Variants in THAP9 observed in about 807,000 individuals in gnomAD.
THAP9 encodes DNA transposase THAP9.
In THAP9, 20 loss-of-function variants were observed where a neutral mutation model predicts 35.7. That is an observed-to-expected ratio of 0.56 (90% CI 0.39 to 0.81). The LOEUF (loss-of-function observed/expected upper bound fraction) is 0.81. Among genes scored for constraint, THAP9 ranks in the 40% least tolerant of loss-of-function variants. THAP9 has a pLI of 0.00. For synonymous variants in THAP9, 335 were observed against 373.7 expected (o/e 0.90, Z 1.19); for missense variants, 870 against 1,047.4 (o/e 0.83, Z 2.34).
rs781253094 is a variant in THAP9, at chr4:82,907,942, G to T, written c.731+7G>T. On this transcript the variant is annotated splice_region_variant and intron_variant, in intron 4 of 4. Transcript: ENST00000302236. ...ATTCTTCCATCCTCAGAACGTAAGT[G>T]AATTATTTTTTTATTTTTTAAAAGT... 1.2e-6 allele frequency: 2 copies of T among 1,604,108 alleles called. No homozygotes were observed. Among genetic ancestry groups the T allele is most frequent in the East Asian group, 4.5e-5 (2 of 44,666 alleles).
rs761036022 is a variant in THAP9, at chr4:82,904,940, A to G, written c.276+9A>G. 1.4e-5 allele frequency: 23 copies of G among 1,612,434 alleles called. No individual in the cohort carries two copies. The highest frequency in any genetic ancestry group is 1.8e-5 in the Non-Finnish European group (21 of 1,179,226). On this transcript the variant is annotated intron_variant, in intron 2 of 4. Transcript: ENST00000302236. ...CTGTTTCTCTATACAAGGTATTTAA[A>G]TGTAGGTGTAAGTCAACAAAATGAA...
chr4:82,901,218 T>C (rs1720346814), intron 1 of THAP9: 1 of 544,082 alleles, frequency 1.8e-6, no homozygotes, highest in East Asian at 4.4e-5. Context: ...ACGGTTGAAG[T>C]GTGTGTGTGG....
chr4:82,904,213 G>A lies in THAP9; in HGVS notation c.81-523G>A, dbSNP rs1281745919. On this transcript the variant is annotated intron_variant, in intron 1 of 4. Coordinates refer to ENST00000302236, the MANE Select transcript of THAP9 (RefSeq NM_024672.6). ...CCAGTAGCTGGGATTACAGGCACCCGCCACCACGTCCGGCTAATTTTTTAT... is the reference window on the plus strand; with the variant it reads ...CCAGTAGCTGGGATTACAGGCACCCACCACCACGTCCGGCTAATTTTTTAT... Among the ~76,000 whole-genome samples, 12 of 151,958 alleles carry A rather than the reference G, an allele frequency of 7.9e-5. No homozygotes were observed. In the East Asian group the frequency reaches 9.7e-4, roughly 12 times the overall value.
Position 82,918,178 on chromosome 4 carries a change from G to GTTTTC in THAP9, c.1967_1968insTTTCT (p.Ser657PhefsTer2). 6.2e-7 allele frequency: 1 copy of GTTTTC among 1,614,176 alleles called. No individual in the cohort carries two copies. The highest frequency in any genetic ancestry group is 1.6e-4 in the Middle Eastern group (1 of 6,062). On this transcript the variant is annotated frameshift_variant, in exon 5 of 5. Coordinates refer to ENST00000302236, the MANE Select transcript of THAP9 (RefSeq NM_024672.6). LOFTEE classifies it low-confidence loss of function (END_TRUNC). ...TCAAGATGAAGTTTTTCTAAGCAAA[G>GTTTTC]TAAGCATCTTTGACATTTCAATTGC...
In THAP9 at chr4:82,906,555, T is replaced by A; in HGVS notation, c.508T>A (p.Leu170Ile). ...RMIKKRKGLR[L>I]IDALVEEKLL... The stretch of plus-strand genomic sequence containing the variant: ...GATCAAGAAGAGAAAGGGTTTACGA[T>A]TAATTGATGCACTTGTAGAAGAGAA... Residue 170 changes from leucine (L) to isoleucine (I), a missense_variant, in exon 3 of 5, where the codon TTA (leucine) becomes ATA (isoleucine). By Grantham distance (5) the Leu-to-Ile change is conservative (BLOSUM62 2). This residue lies in a region of THAP9 where 440 missense variants were observed against 501.2 expected (regional missense o/e 0.88). Coordinates refer to ENST00000302236, the MANE Select transcript of THAP9 (RefSeq NM_024672.6). 1 of 1,613,364 alleles carries A rather than the reference T, an allele frequency of 6.2e-7. No homozygotes were observed. Among genetic ancestry groups the A allele is most frequent in the Non-Finnish European group, 8.5e-7 (1 of 1,179,652 alleles).
In THAP9 at chr4:82,917,186, T is replaced by C. The variant is rs141560028; in HGVS notation, c.974T>C (p.Met325Thr). 168 of 1,614,026 alleles carry C rather than the reference T, an allele frequency of 1.0e-4. 1 individual carries two copies. The Middle Eastern group carries it at 4.1e-3, about 39-fold the overall frequency. ...CTTGCTTCAGAAACTGTTTTGTTAA[T>C]GGCAGTGGGTATTTTTGGCCATTGG... ...TPLASETVLL[M>T]AVGIFGHWRT... Residue 325 changes from methionine (M) to threonine (T), a missense_variant, in exon 5 of 5, where the codon ATG (methionine) becomes ACG (threonine). Met to Thr is a moderately conservative substitution (Grantham distance 81, BLOSUM62 -1). This residue lies in a region of THAP9 where 440 missense variants were observed against 501.2 expected (regional missense o/e 0.88). Coordinates refer to ENST00000302236, the MANE Select transcript of THAP9 (RefSeq NM_024672.6).
chr4:82,907,864 C>A lies in THAP9; in HGVS notation c.660C>A (p.Tyr220Ter). ...TGAAACAATTTGCATGTACACTCTA[C>A]TTGTGCAGTAGCAAAGTCTATGATT... Reference protein sequence around the residue: ...AEMKQFACTLYLCSSKVYDYV... With the variant: ...AEMKQFACTL Residue 220 changes from tyrosine to a stop codon, truncating the protein, a stop_gained, in exon 4 of 5, where the codon TAC becomes TAA. Coordinates refer to ENST00000302236, the MANE Select transcript of THAP9 (RefSeq NM_024672.6). LOFTEE classifies it high-confidence loss of function. 3.1e-6 allele frequency: 5 copies of A among 1,611,826 alleles called. No individual in the cohort carries two copies. The highest frequency in any genetic ancestry group is 4.2e-6 in the Non-Finnish European group (5 of 1,178,950).
At chr4:82,907,387 C>T (rs1189902729) in intron 3 of THAP9, among the ~76,000 whole-genome samples, 1 of 151,760 alleles carries the variant, frequency 6.6e-6, no homozygotes, top group Non-Finnish European at 1.5e-5. Flanking sequence ...GCAAGATGGT[C>T]TGTTCAGTCT....
chr4:82,901,203 G>A, intron 1 of THAP9: 1 of 575,778 alleles, frequency 1.7e-6, no homozygotes, highest in South Asian at 1.5e-5. Context: ...AGGCAGTTTA[G>A]GACAACGGTT....
chr4:82,918,204 T>C lies in THAP9; in HGVS notation c.1992T>C (p.Ala664=). The C allele has an allele frequency of 6.2e-7, 1 of 1,614,186 alleles. No individual in the cohort carries two copies. Among genetic ancestry groups the C allele is most frequent in the South Asian group, 1.1e-5 (1 of 91,084 alleles). The stretch of plus-strand genomic sequence containing the variant: ...TAAGCATCTTTGACATTTCAATTGC[T>C]CGAAGGAAAGACTTGGCGCTTTGGA... ...SKVSIFDISI[A]RRKDLALWTV... is the part of the protein sequence containing the mutation. Residue 664 remains alanine, a synonymous_variant, in exon 5 of 5, where the codon GCT becomes GCC. Coordinates refer to ENST00000302236, the MANE Select transcript of THAP9 (RefSeq NM_024672.6).
At chr4:82,901,582 GA>G (rs1720380082) in intron 1 of THAP9, among the ~76,000 whole-genome samples, 1 of 152,122 alleles carries the variant, frequency 6.6e-6, no homozygotes, top group South Asian at 2.1e-4. Context: ...AATGGCATGG[GA>G]AAATGTAAAG....
Position 82,906,368 on chromosome 4 carries a change from C to A in THAP9, c.321C>A (p.Ile107=). 6.2e-7 allele frequency: 1 copy of A among 1,608,362 alleles called. No homozygotes were observed. Among genetic ancestry groups the A allele is most frequent in the Non-Finnish European group, 8.5e-7 (1 of 1,176,996 alleles). ...TTAAAGGTAAAGCAAGACAAAAAAT[C>A]CTAAAACAACCTCTTCCAGACAATT... ...VHLKGKARQK[I]LKQPLPDNSQ... The change falls in exon 3 of 5, where the codon ATC becomes ATA. Residue 107 remains isoleucine (I), a synonymous_variant. Transcript: ENST00000302236.
chr4:82,918,195 T>C lies in THAP9; in HGVS notation c.1983T>C (p.Ile661=). The C allele has an allele frequency of 6.2e-7, 1 of 1,614,194 alleles. No homozygotes were observed. Among genetic ancestry groups the C allele is most frequent in the Non-Finnish European group, 8.5e-7 (1 of 1,180,010 alleles). The change falls in exon 5 of 5, where the codon ATT becomes ATC. Residue 661 remains isoleucine (I), a synonymous_variant. Transcript: ENST00000302236. ...TAAGCAAAGTAAGCATCTTTGACAT[T>C]TCAATTGCTCGAAGGAAAGACTTGG... The part of the protein sequence containing the change: ...VFLSKVSIFD[I]SIARRKDLAL...
chr4:82,906,931 C>G (rs1288691776), intron 3 of THAP9, among the ~76,000 whole-genome samples: 2 of 152,146 alleles, frequency 1.3e-5, no homozygotes, highest in East Asian at 3.8e-4. Context: ...GCACTTATCA[C>G]TTTTTGTAGT....
chr4:82,900,830 T>TA lies in THAP9; in HGVS notation c.28_29insA (p.Cys10Ter), dbSNP rs1720297658. The TA allele has an allele frequency of 2.5e-6, 4 of 1,613,518 alleles. No individual in the cohort carries two copies. Reference protein sequence around the residue: MTRSCSAVGCSTRDTVLSRE... With the variant: MTRSCSAVG ...GACCCGAAGTTGCTCCGCAGTGGGC[T>TA]GCAGCACCCGTGACACCGTGCTCAG... The change falls in exon 1 of 5, where the codon TGC (cysteine) becomes TAGC (stop). Residue 10 changes from cysteine to a stop codon, truncating the protein, a stop_gained and frameshift_variant. Coordinates refer to ENST00000302236, the MANE Select transcript of THAP9 (RefSeq NM_024672.6). LOFTEE classifies it high-confidence loss of function.
At chr4:82,915,231 A>T (rs1429454645) in intron 4 of THAP9, among the ~76,000 whole-genome samples, 1 of 134,174 alleles carries the variant, frequency 7.5e-6, no homozygotes, top group East Asian at 2.1e-4. Flanking sequence ...CCATCCTGTA[A>T]GTATGTTATT....
intron 2 of THAP9, 66 bp from the exon 3 acceptor site, chr4:82,906,258 A>G (rs1720641372): frequency 2.2e-6 from 3 of 1,338,736 alleles, no homozygotes; most frequent in East Asian, 2.5e-5. Flanking sequence ...TATTTAGGGT[A>G]TTTTTACAGA....
chr4:82,904,786 G>A lies in THAP9; in HGVS notation c.131G>A (p.Arg44His), dbSNP rs769334919. Reference sequence around the variant, plus strand: ...TCAAAATGGATCAGGGCTGTTAATCGTGTGGACCCCAGAAGCAAAAAGATT... The same window carrying A: ...TCAAAATGGATCAGGGCTGTTAATCATGTGGACCCCAGAAGCAAAAAGATT... ...QRSKWIRAVNRVDPRSKKIWI... is the reference protein window; with the variant it reads ...QRSKWIRAVNHVDPRSKKIWI... Residue 44 changes from arginine to histidine, a missense_variant, in exon 2 of 5, where the codon CGT (arginine) becomes CAT (histidine). This residue lies in a region of THAP9 where 440 missense variants were observed against 501.2 expected (regional missense o/e 0.88). Transcript: ENST00000302236. 1.4e-5 allele frequency: 23 copies of A among 1,613,930 alleles called. No individual in the cohort carries two copies. Among genetic ancestry groups the A allele is most frequent in the Non-Finnish European group, 1.7e-5 (20 of 1,180,004 alleles).
chr4:82,914,155 TG>T (rs1720962900), intron 4 of THAP9, among the ~76,000 whole-genome samples: 1 of 152,256 alleles, frequency 6.6e-6, no homozygotes, highest in African/African-American at 2.4e-5. Flanking sequence ...GCAAAAGACA[TG>T]ATCTCATTCT....
Sources: allele counts gnomAD v4.1 joint callset (sites outside exome capture counted in the v4.1 genomes callset), GRCh38; gene constraint gnomAD v4.1.1; regional missense constraint gnomAD v4.1.1; transcripts MANE v1.5; gene names NCBI Gene and HGNC (gene_info 2026-07-23, HGNC 2026-07-21).